Variants in BTBD9 observed in about 807,000 individuals in gnomAD.
BTBD9 encodes the protein BTB domain containing 9, also known as BTB/POZ domain-containing protein 9.
Under a neutral mutation model 64.3 loss-of-function variants are expected in BTBD9, and 49 were observed. The ratio of observed to expected loss-of-function variants is 0.76; its 90% CI spans 0.61 to 0.97. The LOEUF (loss-of-function observed/expected upper bound fraction) is 0.97. BTBD9 is among the 50% of genes least tolerant of loss of function. The pLI is 0.00. For missense variants in BTBD9, 598 were observed against 762.1 expected (o/e 0.78, Z 2.53); for synonymous variants, 260 against 274.7 (o/e 0.95, Z 0.53).
chr6:38,491,410 C>T (rs186280547), intron 6 of BTBD9, among the ~76,000 whole-genome samples: 5 of 152,280 alleles, frequency 3.3e-5, no homozygotes, highest in Admixed American at 3.3e-4. Flanking sequence ...AGCTAAAGTC[C>T]TTACCTACCA....
At chr6:38,615,206 G>C (rs1777744104) in intron 1 of BTBD9, among the ~76,000 whole-genome samples, 1 of 152,164 alleles carries the variant, frequency 6.6e-6, no homozygotes, top group African/African-American at 2.4e-5. Flanking sequence ...TCCTTGACCT[G>C]GGTCTAGCCA....
chr6:38,435,200 T>C (rs1488872264), intron 6 of BTBD9, among the ~76,000 whole-genome samples: 8 of 36,302 alleles, frequency 2.2e-4, no homozygotes, highest in African/African-American at 4.8e-4. Context: ...TCTCGGGGGG[T>C]GGGGGGGAAG....
intron 8 of BTBD9, 123 bp from the exon 9 acceptor site, chr6:38,256,639 G>T: frequency 1.6e-6 from 1 of 633,706 alleles, no homozygotes; most frequent in Non-Finnish European, 2.8e-6. Context: ...GGACAAAGAA[G>T]GTGAATCCCA....
chr6:38,565,387 G>A (rs776939850), intron 6 of BTBD9, among the ~76,000 whole-genome samples: 6 of 152,094 alleles, frequency 3.9e-5, no homozygotes, highest in Non-Finnish European at 8.8e-5. Context: ...ACAGTCTCCA[G>A]ACATTGCCAA....
intron 6 of BTBD9, among the ~76,000 whole-genome samples, chr6:38,424,450 G>C (rs1207642807): frequency 1.3e-5 from 2 of 151,866 alleles, no homozygotes; most frequent in Non-Finnish European, 2.9e-5. Flanking sequence ...ACAAACATTA[G>C]GTAGATCTCT....
chr6:38,300,211 G>A (rs1438054482), intron 7 of BTBD9, among the ~76,000 whole-genome samples: 5 of 152,070 alleles, frequency 3.3e-5, no homozygotes, highest in South Asian at 2.1e-4. Context: ...TGTTCCATTG[G>A]TCTATATCTC....
At chr6:38,214,758 A>C (rs1762956503) in intron 9 of BTBD9, among the ~76,000 whole-genome samples, 2 of 152,186 alleles carry the variant, frequency 1.3e-5, no homozygotes, top group South Asian at 4.1e-4. Flanking sequence ...AATTTTGTTC[A>C]TGCCGTCAGG....
intron 1 of BTBD9, among the ~76,000 whole-genome samples, chr6:38,633,501 G>A (rs1252895811): frequency 6.6e-6 from 1 of 152,156 alleles, no homozygotes; most frequent in Admixed American, 6.5e-5. Flanking sequence ...TTGCTTATAT[G>A]CATTATGCAT....
chr6:38,372,614 G>A (rs1199683747), intron 6 of BTBD9, among the ~76,000 whole-genome samples: 1 of 152,058 alleles, frequency 6.6e-6, no homozygotes, highest in Non-Finnish European at 1.5e-5. Flanking sequence ...CCCTTTTTAG[G>A]GGCTATGTTC....
intron 1 of BTBD9, among the ~76,000 whole-genome samples, chr6:38,627,719 T>C (rs1778220294): frequency 6.6e-6 from 1 of 152,172 alleles, no homozygotes; most frequent in Admixed American, 6.5e-5. Context: ...TTTTTATAAA[T>C]TACCTCCTTA....
At chr6:38,620,327 G>A (rs1016212160) in intron 1 of BTBD9, among the ~76,000 whole-genome samples, 2 of 152,140 alleles carry the variant, frequency 1.3e-5, no homozygotes, top group African/African-American at 4.8e-5. Context: ...CACTGTTTTG[G>A]ACCTGAAGGA....
chr6:38,354,078 A>G (rs1186120637), intron 6 of BTBD9, among the ~76,000 whole-genome samples: 2 of 152,164 alleles, frequency 1.3e-5, no homozygotes, highest in African/African-American at 2.4e-5. Flanking sequence ...GTCTCTCCCC[A>G]AAGAAAAATC....
chr6:38,400,241 C>G (rs1243879568), intron 6 of BTBD9, among the ~76,000 whole-genome samples: 4 of 152,096 alleles, frequency 2.6e-5, no homozygotes, highest in Non-Finnish European at 1.5e-5. Context: ...CTGCTAGCCA[C>G]TTCCTCTCAG....
At chr6:38,421,773 C>A (rs1268616420) in intron 6 of BTBD9, among the ~76,000 whole-genome samples, 1 of 152,058 alleles carries the variant, frequency 6.6e-6, no homozygotes, top group Non-Finnish European at 1.5e-5. Flanking sequence ...GTTAAATTAT[C>A]AATGAAATAA....
chr6:38,502,581 G>A (rs1772265417), intron 6 of BTBD9, among the ~76,000 whole-genome samples: 1 of 152,190 alleles, frequency 6.6e-6, no homozygotes, highest in Admixed American at 6.5e-5. Flanking sequence ...TCTGCTGACA[G>A]AAATCCCCAA....
chr6:38,287,150 C>A (rs4714140), intron 8 of BTBD9, among the ~76,000 whole-genome samples: 1 of 140,522 alleles, frequency 7.1e-6, no homozygotes, highest in Non-Finnish European at 1.5e-5. Flanking sequence ...ACACATATAG[C>A]AGCCTAAATG....
intron 7 of BTBD9, among the ~76,000 whole-genome samples, chr6:38,341,147 T>G (rs1764081553): frequency 6.6e-6 from 1 of 152,182 alleles, no homozygotes; most frequent in Non-Finnish European, 1.5e-5. Context: ...CAACAGCTAT[T>G]TGCCTAATAT....
intron 2 of BTBD9, among the ~76,000 whole-genome samples, chr6:38,597,084 A>G (rs1777064079): frequency 6.6e-6 from 1 of 152,186 alleles, no homozygotes; most frequent in Non-Finnish European, 1.5e-5. Flanking sequence ...AAACCATAGG[A>G]GCTCTAGCTA....
intron 6 of BTBD9, among the ~76,000 whole-genome samples, chr6:38,519,882 C>CA (rs1405985654): frequency 6.6e-6 from 1 of 152,206 alleles, no homozygotes. Flanking sequence ...TCTTGACTAA[C>CA]ATACTAGCCT....
Sources: gnomAD v4.1 joint callset for allele counts (sites outside exome capture counted in the v4.1 genomes callset) on GRCh38, gnomAD v4.1.1 for gene constraint, MANE v1.5 for transcripts, NCBI Gene and HGNC (gene_info 2026-07-23, HGNC 2026-07-21) for gene names.